PSD3: variants seen among roughly 807,000 people sequenced by gnomAD.
The protein encoded by PSD3 is pleckstrin and Sec7 domain containing 3.
Under a neutral mutation model 105.5 loss-of-function variants are expected in PSD3, and 49 were observed. The ratio of observed to expected loss-of-function variants is 0.46; its 90% CI spans 0.37 to 0.59. PSD3 has a LOEUF of 0.59. Among genes scored for constraint, PSD3 ranks in the 20% least tolerant of loss-of-function variants. PSD3 has a pLI of 0.00. For missense variants in PSD3, 1,561 were observed against 1,263.8 expected (o/e 1.24, Z -3.57); for synonymous variants, 557 against 457.8 (o/e 1.22, Z -2.77).
At chr8:18,619,987 A>T (rs958911901) in intron 11 of PSD3, among the ~76,000 whole-genome samples, 3 of 152,076 alleles carry the variant, frequency 2.0e-5, no homozygotes, top group African/African-American at 7.2e-5. Context: ...AACACCTCAA[A>T]AGTCTGAAAA....
At chr8:19,015,277 CG>C (rs1827143465), upstream of PSD3, among the ~76,000 whole-genome samples, 1 of 152,206 alleles carries the variant, frequency 6.6e-6, no homozygotes, top group South Asian at 2.1e-4. Flanking sequence ...CCTTGCTTTA[CG>C]CCATGATTGT....
chr8:19,010,454 TGA>T (rs1826900880), intron 1 of PSD3, among the ~76,000 whole-genome samples: 2 of 152,370 alleles, frequency 1.3e-5, no homozygotes, highest in South Asian at 2.1e-4. Context: ...TTATTAATGT[TGA>T]GTTATGCCTT....
At chr8:18,967,758 C>G (rs1824370722) in intron 1 of PSD3, among the ~76,000 whole-genome samples, 1 of 152,154 alleles carries the variant, frequency 6.6e-6, no homozygotes, top group Admixed American at 6.5e-5. Context: ...CCAAAAGAGT[C>G]ACATGATAAA....
At chr8:18,957,203 T>A (rs980809563) in intron 1 of PSD3, among the ~76,000 whole-genome samples, 1 of 151,880 alleles carries the variant, frequency 6.6e-6, no homozygotes, top group African/African-American at 2.4e-5. Flanking sequence ...AAACCCCATC[T>A]CTACCAAAAA....
intron 9 of PSD3, among the ~76,000 whole-genome samples, chr8:18,725,631 G>A (rs1563201984): frequency 6.6e-6 from 1 of 152,136 alleles, no homozygotes; most frequent in East Asian, 1.9e-4. Context: ...CCAGGGACAG[G>A]AAGAAGAAGA....
At chr8:18,825,041 G>C (rs1813065499) in intron 4 of PSD3, among the ~76,000 whole-genome samples, 1 of 152,060 alleles carries the variant, frequency 6.6e-6, no homozygotes, top group South Asian at 2.1e-4. Flanking sequence ...AGATTTATTT[G>C]ACTATGAATC....
At chr8:18,894,633 G>A (rs865897808) in intron 2 of PSD3, among the ~76,000 whole-genome samples, 3 of 152,184 alleles carry the variant, frequency 2.0e-5, no homozygotes, top group Admixed American at 6.5e-5. Context: ...AACTGTAGAT[G>A]AGATTGTATT....
chr8:18,945,574 G>C (rs1315051663), intron 1 of PSD3, among the ~76,000 whole-genome samples: 2 of 152,220 alleles, frequency 1.3e-5, no homozygotes, highest in African/African-American at 2.4e-5. Context: ...CACCAAGTTT[G>C]TGATACTTTC....
chr8:18,914,361 T>C (rs1172381530), intron 2 of PSD3, among the ~76,000 whole-genome samples: 3 of 152,094 alleles, frequency 2.0e-5, no homozygotes, highest in Admixed American at 6.5e-5. Context: ...CTAGAACTCC[T>C]AGCCACAGTA....
chr8:19,046,059 A>G (rs1563528430), intron 1 of PSD3, among the ~76,000 whole-genome samples: 1 of 152,200 alleles, frequency 6.6e-6, no homozygotes. Context: ...GGGATTACAC[A>G]ATAAGAAACA....
chr8:18,871,531 G>T, intron 3 of PSD3, 95 bp downstream of exon 3: 1 of 1,428,556 alleles, frequency 7.0e-7, no homozygotes, highest in Non-Finnish European at 9.4e-7. Flanking sequence ...AGAACCCAAG[G>T]TATTGTGATT....
At chr8:18,629,622 TC>T (rs1403179704) in intron 11 of PSD3, among the ~76,000 whole-genome samples, 1 of 151,970 alleles carries the variant, frequency 6.6e-6, no homozygotes, top group Non-Finnish European at 1.5e-5. Flanking sequence ...GTCCCATGAT[TC>T]CATTTATTGC....
chr8:18,577,829 A>C (rs1802554610), intron 12 of PSD3, among the ~76,000 whole-genome samples: 1 of 152,066 alleles, frequency 6.6e-6, no homozygotes, highest in Non-Finnish European at 1.5e-5. Context: ...GTCTCCCCTC[A>C]TAGATTTAAC....
chr8:18,993,190 G>C (rs575302023), intron 1 of PSD3, among the ~76,000 whole-genome samples: 1 of 152,272 alleles, frequency 6.6e-6, no homozygotes, highest in East Asian at 1.9e-4. Flanking sequence ...CCTTTTGCCA[G>C]AGTCAGTTTT....
chr8:19,055,099 T>C (rs1198988626), intron 1 of PSD3, among the ~76,000 whole-genome samples: 1 of 152,126 alleles, frequency 6.6e-6, no homozygotes, highest in African/African-American at 2.4e-5. Flanking sequence ...TTTACTTGAG[T>C]TGCATGAGCA....
intron 2 of PSD3, among the ~76,000 whole-genome samples, chr8:18,906,635 G>T (rs1819867493): frequency 6.6e-6 from 1 of 151,968 alleles, no homozygotes; most frequent in Non-Finnish European, 1.5e-5. Context: ...AATCAGAAGT[G>T]GTAGTATCAT....
intron 2 of PSD3, among the ~76,000 whole-genome samples, chr8:18,909,967 A>C (rs1360379231): frequency 6.6e-6 from 1 of 152,220 alleles, no homozygotes; most frequent in Admixed American, 6.5e-5. Flanking sequence ...AAAAAGTGGC[A>C]GGCTGGTGCC....
At chr8:18,757,656 G>A (rs1449908984) in intron 9 of PSD3, among the ~76,000 whole-genome samples, 2 of 152,064 alleles carry the variant, frequency 1.3e-5, no homozygotes, top group Non-Finnish European at 2.9e-5. Context: ...ACCAGCATCC[G>A]AGCCACCATC....
intron 11 of PSD3, among the ~76,000 whole-genome samples, chr8:18,617,912 G>C (rs1245621435): frequency 4.6e-5 from 7 of 152,088 alleles, no homozygotes; most frequent in Non-Finnish European, 1.0e-4. Context: ...ATTTTGAAAT[G>C]ATCTGCAAAG....
Sources: allele counts gnomAD v4.1 joint callset (sites outside exome capture counted in the v4.1 genomes callset), GRCh38; gene constraint gnomAD v4.1.1; transcripts MANE v1.5; gene names NCBI Gene and HGNC (gene_info 2026-07-23, HGNC 2026-07-21).